IL1RAPL2: variants seen among roughly 807,000 people sequenced by gnomAD.
IL1RAPL2 encodes X-linked interleukin-1 receptor accessory protein-like 2.
IL1RAPL2 carries 3 observed loss-of-function variants against 44.1 expected under a neutral mutation model. That is an observed-to-expected ratio of 0.07 (90% CI 0.03 to 0.18). The LOEUF (loss-of-function observed/expected upper bound fraction) is 0.18. Ranked by LOEUF, IL1RAPL2 falls within the 10% of genes least tolerant of loss-of-function variation. The pLI, the probability that IL1RAPL2 is intolerant of heterozygous loss-of-function variation, is 1.00. For synonymous variants in IL1RAPL2, 181 were observed against 178.8 expected (o/e 1.01, Z -0.10); for missense variants, 391 against 496.4 (o/e 0.79, Z 2.02).
intron 1 of IL1RAPL2, among the ~76,000 whole-genome samples, chrX:104,620,669 A>G (rs975113070): frequency 4.9e-5 from 5 of 102,390 alleles, no homozygotes; most frequent in East Asian, 3.0e-4. Context: ...AAAAAAAAAA[A>G]AGAGATGGTA....
chrX:104,903,763 G>A (rs1301967416), intron 2 of IL1RAPL2, among the ~76,000 whole-genome samples: 2 of 110,023 alleles, frequency 1.8e-5, no homozygotes, highest in Non-Finnish European at 3.8e-5. Context: ...ATTTTTAGTA[G>A]AAGCGGGATT....
At chrX:105,019,419 T>C (rs1328089981) in intron 2 of IL1RAPL2, among the ~76,000 whole-genome samples, 2 of 111,335 alleles carry the variant, frequency 1.8e-5, no homozygotes, top group Non-Finnish European at 3.8e-5. Context: ...TACTAAGGTA[T>C]AATTAGTAGT....
chrX:104,966,893 G>T (rs1251963729), intron 2 of IL1RAPL2, among the ~76,000 whole-genome samples: 2 of 112,194 alleles, frequency 1.8e-5, no homozygotes, highest in African/African-American at 6.4e-5. Context: ...AAATGTGAAT[G>T]TCATGTCTTT....
intron 6 of IL1RAPL2, among the ~76,000 whole-genome samples, chrX:105,667,258 C>A (rs1398327832): frequency 8.9e-6 from 1 of 111,935 alleles, no homozygotes; most frequent in Non-Finnish European, 1.9e-5. Context: ...GGTTAGATAA[C>A]CCCTCAGAGA....
chrX:104,709,465 C>T (rs1038521545), intron 2 of IL1RAPL2, among the ~76,000 whole-genome samples: 1 of 110,001 alleles, frequency 9.1e-6, no homozygotes, highest in Admixed American at 9.7e-5. Flanking sequence ...TATATGTTAC[C>T]TCTCTCCTGT....
At chrX:105,174,354 G>T (rs754086915) in intron 2 of IL1RAPL2, among the ~76,000 whole-genome samples, 16 of 111,464 alleles carry the variant, frequency 1.4e-4, no homozygotes, top group Non-Finnish European at 2.3e-4. Context: ...GACACATGCA[G>T]GCTGGAAGTC....
At chrX:104,991,484 A>G (rs2030662143) in intron 2 of IL1RAPL2, among the ~76,000 whole-genome samples, 1 of 111,744 alleles carries the variant, frequency 8.9e-6, no homozygotes, top group South Asian at 3.7e-4. Context: ...TCAGAGGTCT[A>G]CCTGCCAACT....
chrX:105,709,943 C>T (rs747566562), intron 6 of IL1RAPL2, among the ~76,000 whole-genome samples: 3 of 111,543 alleles, frequency 2.7e-5, no homozygotes, highest in Admixed American at 9.6e-5. Context: ...AACAATTCCT[C>T]ATCCAGTGGA....
chrX:105,645,196 G>A (rs145959256), intron 6 of IL1RAPL2, among the ~76,000 whole-genome samples: 53 of 111,444 alleles, frequency 4.8e-4, no homozygotes, highest in Middle Eastern at 4.7e-3. Flanking sequence ...GCAAATTTCT[G>A]TCCTAAACGT....
intron 5 of IL1RAPL2, among the ~76,000 whole-genome samples, chrX:105,483,580 A>T (rs898182363): frequency 3.6e-5 from 4 of 111,173 alleles, no homozygotes; most frequent in Non-Finnish European, 7.6e-5. Flanking sequence ...TTCTCTTCAT[A>T]AAACTTTCCC....
At chrX:105,124,440 A>G (rs1273426898) in intron 2 of IL1RAPL2, among the ~76,000 whole-genome samples, 9 of 110,681 alleles carry the variant, frequency 8.1e-5, no homozygotes, top group African/African-American at 2.9e-4. Context: ...TGATTTACAA[A>G]CATATTTAAT....
chrX:105,642,145 AG>A (rs1228420662), intron 6 of IL1RAPL2, among the ~76,000 whole-genome samples: 1 of 108,310 alleles, frequency 9.2e-6, no homozygotes, highest in Non-Finnish European at 1.9e-5. Context: ...TTCCCTGCAC[AG>A]CCCCCCACTC....
intron 3 of IL1RAPL2, chrX:105,218,795 C>A: frequency 2.2e-6 from 1 of 459,325 alleles, no homozygotes; most frequent in Non-Finnish European, 3.7e-6. Context: ...CCAGTCACCA[C>A]CCCTATCTCT....
intron 6 of IL1RAPL2, among the ~76,000 whole-genome samples, chrX:105,590,668 T>A (rs1347403965): frequency 1.8e-5 from 2 of 111,668 alleles, no homozygotes; most frequent in African/African-American, 6.5e-5. Flanking sequence ...CTTTATTGAT[T>A]GTGCAGGCTG....
chrX:105,521,426 T>G (rs1449024584), intron 6 of IL1RAPL2, among the ~76,000 whole-genome samples: 1 of 111,388 alleles, frequency 9.0e-6, no homozygotes, highest in Non-Finnish European at 1.9e-5. Flanking sequence ...TTTCAAGCAA[T>G]CTCTAAGTAA....
chrX:104,997,695 C>A (rs2030773670), intron 2 of IL1RAPL2, among the ~76,000 whole-genome samples: 1 of 110,994 alleles, frequency 9.0e-6, no homozygotes, highest in African/African-American at 3.3e-5. Flanking sequence ...GATTTTATTT[C>A]CTTATAGTTT....
chrX:105,102,368 C>T (rs778942819), intron 2 of IL1RAPL2, among the ~76,000 whole-genome samples: 22 of 111,929 alleles, frequency 2.0e-4, no homozygotes, highest in Non-Finnish European at 3.6e-4. Context: ...CTCCCCAACA[C>T]ACCGCACAAA....
At chrX:105,712,164 G>C (rs1227384902) in intron 6 of IL1RAPL2, among the ~76,000 whole-genome samples, 1 of 112,232 alleles carries the variant, frequency 8.9e-6, no homozygotes, top group Non-Finnish European at 1.9e-5. Context: ...CTCTAGCCCT[G>C]TGGCTGGTTT....
chrX:105,637,538 C>T (rs1410539325), intron 6 of IL1RAPL2, among the ~76,000 whole-genome samples: 4 of 109,527 alleles, frequency 3.7e-5, no homozygotes. Flanking sequence ...AGGCATAACA[C>T]TGAGCCTCTG....
Sources: allele counts gnomAD v4.1 joint callset (sites outside exome capture counted in the v4.1 genomes callset), GRCh38; gene constraint gnomAD v4.1.1; transcripts MANE v1.5; gene names NCBI Gene and HGNC (gene_info 2026-07-23, HGNC 2026-07-21).